The following AKAP6 variants were observed in gnomAD, a reference collection of about 807,000 sequenced individuals.
AKAP6 encodes the protein A-kinase anchoring protein 6.
In AKAP6, 58 loss-of-function variants were observed where a neutral mutation model predicts 188.5. The observed-to-expected ratio is 0.31, with a 90% CI of 0.25 to 0.38. The LOEUF is 0.38. Among genes scored for constraint, AKAP6 ranks in the 10% least tolerant of loss-of-function variants. The pLI, the probability that AKAP6 is intolerant of heterozygous loss-of-function variation, is 1.00. For synonymous variants in AKAP6, 989 were observed against 998.6 expected, an observed-to-expected ratio of 0.99 and a Z score of 0.18; for missense variants, 2,710 against 2,740.0, an observed-to-expected ratio of 0.99 and a Z score of 0.24.
chr14:32,332,109 T>C (rs965785851), intron 1 of AKAP6, among the ~76,000 whole-genome samples: 2 of 152,084 alleles, frequency 1.3e-5, no homozygotes, highest in Admixed American at 6.6e-5. Flanking sequence ...TTAGGTGTTA[T>C]TATTCACATT....
intron 5 of AKAP6, among the ~76,000 whole-genome samples, chr14:32,599,064 A>C (rs143117555): frequency 6.6e-6 from 1 of 152,156 alleles, no homozygotes; most frequent in Admixed American, 6.6e-5. Context: ...GCTATCACTA[A>C]CATTTCTAAA....
At chr14:32,559,247 G>A (rs185804938) in intron 4 of AKAP6, among the ~76,000 whole-genome samples, 23 of 152,282 alleles carry the variant, frequency 1.5e-4, no homozygotes, top group African/African-American at 5.5e-4. Flanking sequence ...AAAGCCAGCT[G>A]TAAATGGGGA....
rs146370617 is a variant in AKAP6 at position 32,464,970 on chromosome 14, G to T, written c.324+31153G>T. Reference sequence around the variant, plus strand: ...AACAATAGACAAACAGTCAAATCACGAGTGAACTCCCATTCACAACTGCTA... The same window carrying T: ...AACAATAGACAAACAGTCAAATCACTAGTGAACTCCCATTCACAACTGCTA... On this transcript the variant is annotated intron_variant, in intron 2 of 13. Transcript: ENST00000280979. Among the ~76,000 whole-genome samples, 116 of 152,070 alleles carry T rather than the reference G, an allele frequency of 7.6e-4. 1 individual carries two copies. In the East Asian group the frequency reaches 0.021, roughly 28 times the overall value.
At position 32,834,049 on chromosome 14, in the gene AKAP6, A is replaced by T. The variant is rs1450695936; in HGVS notation, c.*4244A>T. 1 of 152,254 alleles carries T rather than the reference A, an allele frequency of 6.6e-6. No homozygotes were observed. Among genetic ancestry groups the T allele is most frequent in the East Asian group, 1.9e-4 (1 of 5,202 alleles). 9.4% of individuals were successfully genotyped at this position (152,254 alleles called of 1,614,324 possible). On this transcript the variant is annotated 3_prime_UTR_variant, in exon 14 of 14. Transcript: ENST00000280979. ...CAAATACTTCAGCATGTGTTAGCTGAGAACATGGGTATTCTTCTGCAAGTC... is the reference window on the plus strand; with the variant it reads ...CAAATACTTCAGCATGTGTTAGCTGTGAACATGGGTATTCTTCTGCAAGTC...
rs574690098 is a variant in AKAP6, at chr14:32,684,225, C to T, written c.2879+5766C>T. 2.0e-5 allele frequency among the ~76,000 whole-genome samples: 3 copies of T among 152,232 alleles called. No homozygotes were observed. In the South Asian group the frequency reaches 6.2e-4, roughly 32 times the overall value. On this transcript the variant is annotated intron_variant, in intron 8 of 13. Coordinates refer to ENST00000280979, the MANE Select transcript of AKAP6 (RefSeq NM_004274.5). ...TATGGGGTAGCAGAGGCTGAGAGAG[C>T]CAAGAATTTACCTTGTGGTAAACTA...
chr14:32,443,837 G>A (rs188230704), intron 2 of AKAP6, among the ~76,000 whole-genome samples: 36 of 152,100 alleles, frequency 2.4e-4, no homozygotes, highest in African/African-American at 8.4e-4. Flanking sequence ...ATGGTTTTTC[G>A]GGTTACATAT....
chr14:32,761,178 A>C (rs2032524366), intron 11 of AKAP6, among the ~76,000 whole-genome samples: 2 of 152,222 alleles, frequency 1.3e-5, no homozygotes, highest in South Asian at 4.1e-4. Flanking sequence ...GGAGTAAATG[A>C]ATAAACAGTA....
At chr14:32,450,034 G>T (rs149292752) in intron 2 of AKAP6, among the ~76,000 whole-genome samples, 69 of 152,278 alleles carry the variant, frequency 4.5e-4, no homozygotes, top group African/African-American at 1.4e-3. Context: ...AGGCAGAGTG[G>T]AAAGCCCCCA....
chr14:32,537,173 G>A (rs1882719892), intron 3 of AKAP6, among the ~76,000 whole-genome samples: 3 of 152,040 alleles, frequency 2.0e-5, no homozygotes, highest in Admixed American at 2.0e-4. Context: ...TTCTTGCTGT[G>A]GCAAACTCTC....
rs71115085 is a variant in AKAP6 at position 32,609,880 on chromosome 14, G to GACACACACACACAC, written c.2730+9117_2730+9130dup. ...GGTCTCTCTCTCTCTCTCTCTCTCTGACACACACACACACACACACACACA... is the reference window on the plus strand; with the variant it reads ...GGTCTCTCTCTCTCTCTCTCTCTCTGACACACACACACACACACACACACACACACACACACACA... On this transcript the variant is annotated intron_variant, in intron 7 of 13. Transcript: ENST00000280979. Among the ~76,000 whole-genome samples the GACACACACACACAC allele has an allele frequency of 1.5e-4, 21 of 137,426 alleles. 1 individual carries two copies. The highest frequency in any genetic ancestry group is 5.1e-4 in the African/African-American group (19 of 37,288). The allele number at this position is 137,426 out of a possible 152,430, so 90.2% of individuals were successfully genotyped here.
intron 2 of AKAP6, among the ~76,000 whole-genome samples, chr14:32,478,722 TAAAG>T (rs570773286): frequency 1.7e-4 from 26 of 152,086 alleles, no homozygotes; most frequent in Non-Finnish European, 3.7e-4. Flanking sequence ...TGACTAAATA[TAAAG>T]AAAGATGATT....
intron 4 of AKAP6, among the ~76,000 whole-genome samples, chr14:32,547,843 CAA>C (rs11342356): frequency 7.7e-4 from 105 of 136,016 alleles, no homozygotes; most frequent in Non-Finnish European, 1.0e-3. Context: ...GACCCTGTCT[CAA>C]AAAAAAAAAA....
chr14:32,364,829 C>T (rs1887778122), intron 1 of AKAP6, among the ~76,000 whole-genome samples: 1 of 152,098 alleles, frequency 6.6e-6, no homozygotes, highest in African/African-American at 2.4e-5. Context: ...TCGTGACAGC[C>T]ACAGTGGGGT....
rs911036701 is a variant in AKAP6, at chr14:32,483,597, G to C, written c.324+49780G>C. Among the ~76,000 whole-genome samples the C allele has an allele frequency of 2.0e-5, 3 of 152,118 alleles. No individual in the cohort carries two copies. In the South Asian group the frequency reaches 6.2e-4, roughly 32 times the overall value. ...CCTCCCCGGTTCAAGCAATTCTCCT[G>C]CCTCAGCCTCCTGAGTAGCTGGGAT... On this transcript the variant is annotated intron_variant, in intron 2 of 13. Transcript: ENST00000280979.
At chr14:32,410,361 T>C (rs975570018) in intron 1 of AKAP6, among the ~76,000 whole-genome samples, 3 of 152,186 alleles carry the variant, frequency 2.0e-5, no homozygotes, top group African/African-American at 7.2e-5. Context: ...CTTAACCCAT[T>C]GTCAACCAGA....
chr14:32,356,403 CTCTACACG>C (rs1887486858), intron 1 of AKAP6, among the ~76,000 whole-genome samples: 1 of 152,158 alleles, frequency 6.6e-6, no homozygotes, highest in South Asian at 2.1e-4. Flanking sequence ...GCATCTCCCC[CTCTACACG>C]TCTACACCTG....
intron 12 of AKAP6, among the ~76,000 whole-genome samples, chr14:32,774,433 C>G (rs2032991815): frequency 6.6e-6 from 1 of 152,176 alleles, no homozygotes; most frequent in Admixed American, 6.5e-5. Flanking sequence ...AGAGCTTCTT[C>G]TGATAGTTAC....
At chr14:32,510,446 A>ATATG (rs1881176357) in intron 2 of AKAP6, among the ~76,000 whole-genome samples, 1 of 22,678 alleles carries the variant, frequency 4.4e-5, no homozygotes, top group Non-Finnish European at 9.7e-5. Flanking sequence ...GTGTATATAT[A>ATATG]TATACATATA....
At chr14:32,680,108 C>T (rs1338476456) in intron 8 of AKAP6, among the ~76,000 whole-genome samples, 1 of 152,092 alleles carries the variant, frequency 6.6e-6, no homozygotes, top group Non-Finnish European at 1.5e-5. Context: ...ATAAATCTGC[C>T]CTGGGAATTG....
Sources: allele counts gnomAD v4.1 joint callset (sites outside exome capture counted in the v4.1 genomes callset), GRCh38; gene constraint gnomAD v4.1.1; transcripts MANE v1.5; gene names NCBI Gene and HGNC (gene_info 2026-07-23, HGNC 2026-07-21).